The following NOL10 variants were observed in gnomAD, a reference collection of about 807,000 sequenced individuals.
NOL10 encodes the protein nucleolar protein 10.
In NOL10, 58 loss-of-function variants were observed where a neutral mutation model predicts 103.5. That is an observed-to-expected ratio of 0.56 (90% confidence interval 0.45 to 0.70). The LOEUF is 0.70. Ranked by LOEUF, NOL10 falls within the 30% of genes least tolerant of loss-of-function variation. The pLI, the probability that NOL10 is intolerant of heterozygous loss-of-function variation, is 0.00. For missense variants in NOL10, 763 were observed against 807.3 expected (o/e 0.95, Z 0.67); for synonymous variants, 287 against 282.5 (o/e 1.02, Z -0.16).
At chr2:10,601,529 T>C (rs1200297068) in intron 16 of NOL10, among the ~76,000 whole-genome samples, 10 of 152,008 alleles carry the variant, frequency 6.6e-5, no homozygotes, top group Non-Finnish European at 1.0e-4. Flanking sequence ...TCCAGTGCAC[T>C]GAGAGGCAGC....
chr2:10,615,488 G>A (rs1034390874), intron 13 of NOL10, among the ~76,000 whole-genome samples: 3 of 152,154 alleles, frequency 2.0e-5, no homozygotes, highest in Non-Finnish European at 2.9e-5. Context: ...GACGCCCCAA[G>A]CAAACATTTA....
At chr2:10,646,161 G>A (rs1398758612) in intron 12 of NOL10, among the ~76,000 whole-genome samples, 1 of 152,106 alleles carries the variant, frequency 6.6e-6, no homozygotes, top group Non-Finnish European at 1.5e-5. Context: ...TCTGCTGATT[G>A]TGCTTCCTAG....
chr2:10,648,528 C>T (rs1335579074), intron 12 of NOL10, among the ~76,000 whole-genome samples: 2 of 152,086 alleles, frequency 1.3e-5, no homozygotes, highest in Non-Finnish European at 2.9e-5. Context: ...ACAGTCATTC[C>T]TTTGTCCAAA....
At position 10,671,668 on chromosome 2, in the gene NOL10, C is replaced by T. The variant is rs143060399; in HGVS notation, c.350G>A (p.Arg117Lys). ...YSKIVFLHND[R>K]YIEFHSQSGF... ...TGATTGCGAATGAAATTCAATGTAT[C>T]TATCATTATGTAAGAAGACAATCTG... The change falls in exon 6 of 21, where the codon AGA (arginine) becomes AAA (lysine). Residue 117 changes from arginine to lysine, a missense_variant. Transcript: ENST00000381685. The T allele has an allele frequency of 1.9e-6, 3 of 1,571,936 alleles. No individual in the cohort carries two copies. The highest frequency in any genetic ancestry group is 2.6e-6 in the Non-Finnish European group (3 of 1,156,318).
intron 17 of NOL10, among the ~76,000 whole-genome samples, chr2:10,594,525 G>C (rs999119849): frequency 1.3e-5 from 2 of 152,260 alleles, no homozygotes; most frequent in Admixed American, 6.5e-5. Context: ...ATAAGCATAA[G>C]TCTAACCTAT....
chr2:10,635,120 A>G (rs1280091101), intron 13 of NOL10, among the ~76,000 whole-genome samples: 1 of 152,206 alleles, frequency 6.6e-6, no homozygotes, highest in African/African-American at 2.4e-5. Context: ...CATGCTTCAT[A>G]TACACTTTAT....
At chr2:10,657,972 C>T in intron 10 of NOL10, 81 bp from the exon 11 acceptor site, 1 of 1,088,830 alleles carries the variant, frequency 9.2e-7, no homozygotes, top group South Asian at 1.8e-5. Flanking sequence ...ATAATGGCAG[C>T]CATTTGCTTC....
intron 4 of NOL10, among the ~76,000 whole-genome samples, 173 bp downstream of exon 4, chr2:10,675,621 G>C (rs890358884): frequency 6.6e-6 from 1 of 152,138 alleles, no homozygotes; most frequent in African/African-American, 2.4e-5. Flanking sequence ...ATAGACTTAA[G>C]ATCTACACAA....
intron 12 of NOL10, 107 bp downstream of exon 12, chr2:10,654,374 G>C (rs1679681207): frequency 2.7e-6 from 2 of 752,042 alleles, no homozygotes; most frequent in Non-Finnish European, 4.3e-6. Flanking sequence ...AAATAAAATG[G>C]GTTTAAAACC....
At chr2:10,682,726 T>C (rs1316220886) in intron 2 of NOL10, among the ~76,000 whole-genome samples, 3 of 152,132 alleles carry the variant, frequency 2.0e-5, no homozygotes, top group Middle Eastern at 3.4e-3. Context: ...TACTCAATCA[T>C]GGCAAAGACA....
chr2:10,676,716 C>A (rs1306230022), intron 3 of NOL10, among the ~76,000 whole-genome samples: 1 of 151,022 alleles, frequency 6.6e-6, no homozygotes, highest in East Asian at 1.9e-4. Flanking sequence ...CGGCTCACTG[C>A]AACCTCCGCC....
chr2:10,593,136 T>C (rs1281415647), intron 17 of NOL10, among the ~76,000 whole-genome samples: 3 of 151,786 alleles, frequency 2.0e-5, no homozygotes, highest in Non-Finnish European at 4.4e-5. Flanking sequence ...TTAGTTTTTT[T>C]TTTTTTCTTT....
chr2:10,645,944 T>TACACACACACACACACACACACAC (rs57494359), intron 12 of NOL10, among the ~76,000 whole-genome samples: 1 of 147,592 alleles, frequency 6.8e-6, no homozygotes, highest in East Asian at 2.0e-4. Context: ...CACACACACA[T>TACACACACACACACACACACACAC]ACACACACAC....
At chr2:10,583,059 T>C (rs934636849) in intron 19 of NOL10, among the ~76,000 whole-genome samples, 1 of 152,204 alleles carries the variant, frequency 6.6e-6, no homozygotes, top group Non-Finnish European at 1.5e-5. Flanking sequence ...CCTGGGCCTC[T>C]CTACTCCGAT....
chr2:10,578,241 C>T (rs550660563), intron 19 of NOL10, among the ~76,000 whole-genome samples: 37 of 152,324 alleles, frequency 2.4e-4, no homozygotes, highest in African/African-American at 7.5e-4. Flanking sequence ...TGATAATTCT[C>T]GTTTTTCCTT....
In NOL10 at chr2:10,589,108, A is replaced by G. The variant is rs1281638134; in HGVS notation, c.1779T>C (p.Tyr593=). The change falls in exon 19 of 21, where the codon TAT becomes TAC. Residue 593 remains tyrosine (Y), a synonymous_variant. Transcript: ENST00000381685. The stretch of plus-strand genomic sequence containing the variant: ...TAAATTCTTCTCCTGCTTTGATCTC[A>G]TAAAACTGGGGCTTTAGGACTGTCT... ...DQQTVLKPQF[Y]EIKAGEEFRS... The G allele has an allele frequency of 6.2e-7, 1 of 1,614,004 alleles. No individual in the cohort carries two copies.
intron 17 of NOL10, among the ~76,000 whole-genome samples, chr2:10,596,301 C>T (rs1370247170): frequency 3.4e-5 from 5 of 147,166 alleles, no homozygotes; most frequent in Admixed American, 7.0e-5. Flanking sequence ...ATGATTCAAG[C>T]GCATTACATT....
chr2:10,634,650 GAAT>G, intron 13 of NOL10: 1 of 455,362 alleles, frequency 2.2e-6, no homozygotes, highest in South Asian at 1.6e-5. Context: ...CCCTGGGAGA[GAAT>G]ATAAATAAAG....
At chr2:10,616,096 G>T (rs1014042038) in intron 13 of NOL10, among the ~76,000 whole-genome samples, 10 of 152,070 alleles carry the variant, frequency 6.6e-5, no homozygotes, top group African/African-American at 2.4e-4. Context: ...ACAAAACTGG[G>T]GGATTCTTCT....
Sources: gnomAD v4.1 joint callset for allele counts (sites outside exome capture counted in the v4.1 genomes callset) on GRCh38, gnomAD v4.1.1 for gene constraint, MANE v1.5 for transcripts, NCBI Gene and HGNC (gene_info 2026-07-23, HGNC 2026-07-21) for gene names.